PSMA1: variants seen among roughly 807,000 people sequenced by gnomAD.
PSMA1 encodes proteasome 20S subunit alpha 1, also known as proteasome subunit alpha type-1.
A neutral mutation model predicts 38.4 loss-of-function variants in PSMA1; 3 were observed. The ratio of observed to expected loss-of-function variants is 0.08; its 90% CI spans 0.04 to 0.20. The LOEUF is 0.20. Ranked by LOEUF, PSMA1 falls within the 10% of genes least tolerant of loss-of-function variation. The pLI is 1.00. For synonymous variants in PSMA1, 101 were observed against 107.1 expected (o/e 0.94, Z 0.35); for missense variants, 227 against 325.3 (o/e 0.70, Z 2.32).
chr11:14,615,731 T>C (rs1852764207), intron 1 of PSMA1, among the ~76,000 whole-genome samples: 2 of 152,232 alleles, frequency 1.3e-5, no homozygotes, highest in South Asian at 2.1e-4. Flanking sequence ...GGTCCACTTC[T>C]GTGGTACCAT....
chr11:14,535,480 G>A (rs959199586), intron 2 of PSMA1, among the ~76,000 whole-genome samples: 2 of 117,168 alleles, frequency 1.7e-5, no homozygotes, highest in African/African-American at 6.6e-5. Flanking sequence ...TTTTGCTCTT[G>A]TTGCCTAGGC....
At chr11:14,561,435 T>C (rs1198915359) in intron 2 of PSMA1, among the ~76,000 whole-genome samples, 1 of 152,230 alleles carries the variant, frequency 6.6e-6, no homozygotes, top group Admixed American at 6.5e-5. Flanking sequence ...GGAATCTATT[T>C]CCTGTAACTA....
At chr11:14,605,796 T>C (rs1286539033) in intron 2 of PSMA1, among the ~76,000 whole-genome samples, 1 of 152,258 alleles carries the variant, frequency 6.6e-6, no homozygotes, top group East Asian at 1.9e-4. Flanking sequence ...TTTGCAAATA[T>C]GAAAATATTC....
intron 2 of PSMA1, among the ~76,000 whole-genome samples, chr11:14,560,447 G>C (rs1851995568): frequency 6.6e-6 from 1 of 152,104 alleles, no homozygotes; most frequent in South Asian, 2.1e-4. Flanking sequence ...TGGTTTACCT[G>C]GTGGGTTTCT....
chr11:14,563,228 T>C (rs889273050), intron 2 of PSMA1, among the ~76,000 whole-genome samples: 3 of 152,174 alleles, frequency 2.0e-5, no homozygotes, highest in Non-Finnish European at 2.9e-5. Flanking sequence ...CTTGAGGAAA[T>C]GAGAAATTGT....
At chr11:14,603,536 T>G (rs1178773976) in intron 2 of PSMA1, among the ~76,000 whole-genome samples, 1 of 152,212 alleles carries the variant, frequency 6.6e-6, no homozygotes, top group Non-Finnish European at 1.5e-5. Flanking sequence ...AGTGCTTAGG[T>G]GTGTGTCACA....
chr11:14,540,822 T>C (rs754277235), intron 2 of PSMA1, among the ~76,000 whole-genome samples: 1 of 152,122 alleles, frequency 6.6e-6, no homozygotes, highest in Non-Finnish European at 1.5e-5. Context: ...GGACAAAAAC[T>C]TGGGAGTATC....
At chr11:14,627,946 AC>A (rs1230339549) in intron 1 of PSMA1, among the ~76,000 whole-genome samples, 1 of 151,888 alleles carries the variant, frequency 6.6e-6, no homozygotes, top group African/African-American at 2.4e-5. Flanking sequence ...GGGATCCTCA[AC>A]CCCCACACTG....
At chr11:14,524,141 A>G (rs1035551926), upstream of PSMA1, among the ~76,000 whole-genome samples, 8 of 128,784 alleles carry the variant, frequency 6.2e-5, no homozygotes, top group African/African-American at 2.3e-4. Context: ...AAAAAAAATG[A>G]AGGGAGGGAG....
intron 1 of PSMA1, among the ~76,000 whole-genome samples, chr11:14,630,103 T>C (rs923049661): frequency 6.6e-6 from 1 of 152,158 alleles, no homozygotes; most frequent in African/African-American, 2.4e-5. Flanking sequence ...AATCATGTCG[T>C]CTGCAAAAAG....
intron 2 of PSMA1, among the ~76,000 whole-genome samples, chr11:14,525,985 AT>A (rs1245007313): frequency 6.6e-6 from 1 of 152,060 alleles, no homozygotes; most frequent in African/African-American, 2.4e-5. Flanking sequence ...CTCCTTCAAC[AT>A]TTATTCTCCA....
intron 2 of PSMA1, among the ~76,000 whole-genome samples, chr11:14,591,757 G>C (rs1259567860): frequency 1.3e-5 from 2 of 152,148 alleles, no homozygotes; most frequent in East Asian, 1.9e-4. Flanking sequence ...GCACCAATCA[G>C]CGCCCTGTTA....
Position 14,513,546 on chromosome 11 carries a change from AAAAAAAGCAAGG to A in PSMA1, c.544+12_544+23del. ...ACTGGAAAAGGCAAAAAAAAAAAAAAAAAAAAGCAAGGCTGTCACTTACACTCCATAAATTCA... is the reference window on the plus strand; with the variant it reads ...ACTGGAAAAGGCAAAAAAAAAAAAAACTGTCACTTACACTCCATAAATTCA... On this transcript the variant is annotated intron_variant, in intron 7 of 9. Coordinates refer to ENST00000396394, the MANE Select transcript of PSMA1 (RefSeq NM_002786.4). 1 of 1,423,614 alleles carries A rather than the reference AAAAAAAGCAAGG, an allele frequency of 7.0e-7. No homozygotes were observed. The highest frequency in any genetic ancestry group is 9.2e-7 in the Non-Finnish European group (1 of 1,090,834). The allele number at this position is 1,423,614 out of a possible 1,614,324, so 88.2% of individuals were successfully genotyped here. A position where few individuals can be genotyped will look rare whatever the true frequency, so the allele number is the denominator to read the frequency against.
At position 14,573,943 on chromosome 11, in the gene PSMA1, G is replaced by A. The variant is rs997698767; in HGVS notation, c.21+37023C>T. Among the ~76,000 whole-genome samples the A allele has an allele frequency of 3.9e-5, 6 of 152,058 alleles. No individual in the cohort carries two copies. In the South Asian group the frequency reaches 8.3e-4, roughly 21 times the overall value. On this transcript the variant is annotated intron_variant, in intron 2 of 10. Coordinates refer to the PSMA1 transcript ENST00000418988. ...TTTGAGATATATGATTTAGAGTATC[G>A]GGCAGAAGAAATTTCTAAGCAGCAA...
intron 2 of PSMA1, among the ~76,000 whole-genome samples, chr11:14,601,838 A>G (rs1218667136): frequency 2.0e-5 from 3 of 152,242 alleles, no homozygotes; most frequent in African/African-American, 7.2e-5. Context: ...CAATTTTGCT[A>G]AATGAGAATT....
intron 2 of PSMA1, among the ~76,000 whole-genome samples, chr11:14,599,843 CT>C (rs1852557450): frequency 6.6e-6 from 1 of 152,318 alleles, no homozygotes; most frequent in Admixed American, 6.5e-5. Flanking sequence ...GAATTTTCAG[CT>C]TTTCTGCTCT....
intron 1 of PSMA1, among the ~76,000 whole-genome samples, chr11:14,622,271 G>A (rs952869394): frequency 6.6e-6 from 1 of 152,214 alleles, no homozygotes; most frequent in Non-Finnish European, 1.5e-5. Flanking sequence ...AATTAGAAGA[G>A]AGGATCAGAA....
intron 1 of PSMA1, among the ~76,000 whole-genome samples, chr11:14,641,364 A>C (rs1365156461): frequency 1.3e-5 from 2 of 152,220 alleles, no homozygotes; most frequent in Non-Finnish European, 2.9e-5. Flanking sequence ...CAAGGGAATA[A>C]TTAAATAATC....
chr11:14,590,821 C>T (rs1171977688), intron 2 of PSMA1, among the ~76,000 whole-genome samples: 1 of 152,238 alleles, frequency 6.6e-6, no homozygotes, highest in African/African-American at 2.4e-5. Flanking sequence ...TACTTCACAT[C>T]TTCTCTCACA....
Sources: gnomAD v4.1 joint callset for allele counts (sites outside exome capture counted in the v4.1 genomes callset) on GRCh38, gnomAD v4.1.1 for gene constraint, MANE v1.5 for transcripts, NCBI Gene and HGNC (gene_info 2026-07-23, HGNC 2026-07-21) for gene names.